Variants in RAD18 observed in about 807,000 individuals in gnomAD.
RAD18 encodes the protein E3 ubiquitin-protein ligase RAD18.
A neutral mutation model predicts 60.4 loss-of-function variants in RAD18; 47 were observed. The observed-to-expected ratio is 0.78, with a 90% confidence interval of 0.62 to 0.99. The LOEUF is 0.99. Among genes scored for constraint, RAD18 ranks in the 50% least tolerant of loss-of-function variants. The pLI is 0.00. For missense variants in RAD18, 640 were observed against 593.3 expected, an observed-to-expected ratio of 1.08 and a Z score of -0.82; for synonymous variants, 225 against 195.5, an observed-to-expected ratio of 1.15 and a Z score of -1.26.
chr3:8,890,544 A>G (rs1939666814), intron 11 of RAD18, 93 bp from the exon 12 acceptor site: 1 of 935,004 alleles, frequency 1.1e-6, no homozygotes, highest in East Asian at 2.5e-5. Flanking sequence ...ATGAGTCTAT[A>G]GTGACAGAAA....
chr3:8,905,111 G>C (rs1305943743), intron 9 of RAD18, among the ~76,000 whole-genome samples: 1 of 152,206 alleles, frequency 6.6e-6, no homozygotes, highest in African/African-American at 2.4e-5. Context: ...CTGCCATTTG[G>C]CAAGGAATAC....
intron 7 of RAD18, among the ~76,000 whole-genome samples, chr3:8,916,689 T>C (rs770816903): frequency 2.0e-5 from 3 of 151,950 alleles, no homozygotes; most frequent in Non-Finnish European, 4.4e-5. Context: ...GTTAGATATA[T>C]AGATATAGAC....
intron 12 of RAD18, among the ~76,000 whole-genome samples, chr3:8,883,909 T>G (rs890299415): frequency 8.5e-5 from 13 of 152,204 alleles, no homozygotes; most frequent in African/African-American, 3.1e-4. Context: ...GATAAAAGGC[T>G]TTTTGAATTC....
chr3:8,928,306 A>C (rs1459440715), intron 7 of RAD18, among the ~76,000 whole-genome samples: 1 of 152,176 alleles, frequency 6.6e-6, no homozygotes, highest in Non-Finnish European at 1.5e-5. Context: ...CAAACAAGCA[A>C]GATGGCAGAT....
chr3:8,881,306 A>G lies in RAD18; in HGVS notation c.*51T>C, dbSNP rs779529673. The G allele has an allele frequency of 2.0e-5, 29 of 1,431,090 alleles. No individual in the cohort carries two copies. Among genetic ancestry groups the G allele is most frequent in the Non-Finnish European group, 2.6e-5 (27 of 1,029,066 alleles). The allele number at this position is 1,431,090 out of a possible 1,614,324, so 88.6% of individuals were successfully genotyped here. A position where few individuals can be genotyped will look rare whatever the true frequency, so the allele number is the denominator to read the frequency against. On this transcript the variant is annotated 3_prime_UTR_variant, in exon 13 of 13. Transcript: ENST00000264926. ...AATAGAAAATCTATCTGTGGCAACC[A>G]AAAGTACGGTATTCTAATCAATGCA...
intron 7 of RAD18, among the ~76,000 whole-genome samples, chr3:8,932,527 G>C (rs535421413): frequency 5.3e-4 from 81 of 152,146 alleles, no homozygotes; most frequent in Non-Finnish European, 1.1e-3. Flanking sequence ...GTTAGCAAGG[G>C]TGTGGCAAAA....
chr3:8,926,040 T>A (rs1259596752), intron 7 of RAD18, among the ~76,000 whole-genome samples: 1 of 151,580 alleles, frequency 6.6e-6, no homozygotes, highest in Non-Finnish European at 1.5e-5. Context: ...CTATTCAACA[T>A]AGTGTTGGAA....
chr3:8,953,729 T>A (rs1382299613), intron 2 of RAD18, among the ~76,000 whole-genome samples: 2 of 151,986 alleles, frequency 1.3e-5, no homozygotes, highest in Non-Finnish European at 2.9e-5. Context: ...AGAGGGGGCA[T>A]CTCTAATCCC....
chr3:8,926,864 A>G (rs1276452972), intron 7 of RAD18, among the ~76,000 whole-genome samples: 3 of 152,210 alleles, frequency 2.0e-5, no homozygotes, highest in Non-Finnish European at 4.4e-5. Context: ...ATATGTAGAA[A>G]GCTGAAACTG....
At chr3:8,953,142 A>G (rs1286165144) in intron 2 of RAD18, among the ~76,000 whole-genome samples, 1 of 150,974 alleles carries the variant, frequency 6.6e-6, no homozygotes, top group Middle Eastern at 3.2e-3. Context: ...CTGTACATTT[A>G]TACTATAATG....
At chr3:8,916,946 C>T (rs775498604) in intron 7 of RAD18, among the ~76,000 whole-genome samples, 1 of 152,036 alleles carries the variant, frequency 6.6e-6, no homozygotes, top group East Asian at 1.9e-4. Context: ...TAGAATTTGC[C>T]AAATATAAGA....
intron 12 of RAD18, among the ~76,000 whole-genome samples, chr3:8,885,577 T>C (rs1939545497): frequency 6.6e-6 from 1 of 152,182 alleles, no homozygotes; most frequent in Non-Finnish European, 1.5e-5. Flanking sequence ...TATAAATGAT[T>C]ACAGCCAGAA....
At chr3:8,896,492 T>A (rs1474123349) in intron 11 of RAD18, among the ~76,000 whole-genome samples, 1 of 152,262 alleles carries the variant, frequency 6.6e-6, no homozygotes, top group Non-Finnish European at 1.5e-5. Context: ...ATTAGGATCA[T>A]GAGATTAAGT....
intron 5 of RAD18, 81 bp downstream of exon 5, chr3:8,941,386 C>T: frequency 7.9e-7 from 1 of 1,262,256 alleles, no homozygotes; most frequent in Non-Finnish European, 1.1e-6. Context: ...TTCCTTCCCC[C>T]TCAAAGATGC....
chr3:8,953,738 C>T (rs1940962415), intron 2 of RAD18, among the ~76,000 whole-genome samples: 1 of 151,700 alleles, frequency 6.6e-6, no homozygotes, highest in South Asian at 2.1e-4. Context: ...ATCTCTAATC[C>T]CAAGCAAGAT....
At chr3:8,912,029 C>A (rs1395701011) in intron 9 of RAD18, among the ~76,000 whole-genome samples, 1 of 152,148 alleles carries the variant, frequency 6.6e-6, no homozygotes, top group Non-Finnish European at 1.5e-5. Flanking sequence ...CCATTTTAAT[C>A]CCAGCTTCTT....
At chr3:8,953,146 T>C (rs1279471985) in intron 2 of RAD18, among the ~76,000 whole-genome samples, 2 of 150,658 alleles carry the variant, frequency 1.3e-5, no homozygotes, top group African/African-American at 2.4e-5. Context: ...ACATTTATAC[T>C]ATAATGTATA....
chr3:8,959,787 C>T (rs1426135428), intron 1 of RAD18, among the ~76,000 whole-genome samples: 1 of 150,744 alleles, frequency 6.6e-6, no homozygotes, highest in Admixed American at 6.6e-5. Flanking sequence ...AAGCTCTCGA[C>T]GGGAGGATCG....
chr3:8,952,968 C>A (rs1940950430), intron 2 of RAD18, among the ~76,000 whole-genome samples: 2 of 152,062 alleles, frequency 1.3e-5, no homozygotes, highest in African/African-American at 2.4e-5. Flanking sequence ...ATTTAATATA[C>A]CTATCTCTAG....
Sources: allele counts gnomAD v4.1 joint callset (sites outside exome capture counted in the v4.1 genomes callset), GRCh38; gene constraint gnomAD v4.1.1; transcripts MANE v1.5; gene names NCBI Gene and HGNC (gene_info 2026-07-23, HGNC 2026-07-21).